PLAC1: variants seen among roughly 807,000 people sequenced by gnomAD.
PLAC1 encodes the protein placenta associated 1, also known as placenta-specific protein 1.
For synonymous variants in PLAC1, 68 were observed against 62.1 expected (o/e 1.09, Z -0.44); for missense variants, 136 against 163.2 (o/e 0.83, Z 0.91).
chrX:134,603,438 C>T (rs1322847173), intron 1 of PLAC1, among the ~76,000 whole-genome samples: 1 of 94,478 alleles, frequency 1.1e-5, no homozygotes, highest in Non-Finnish European at 2.1e-5. Context: ...CCCAGGTTCA[C>T]GCCATTCTCC....
intron 2 of PLAC1, among the ~76,000 whole-genome samples, chrX:134,671,590 G>GGA (rs567116941): frequency 0.011 from 1,176 of 104,732 alleles, 10 homozygotes; most frequent in African/African-American, 0.032. Flanking sequence ...TGGTAGAACA[G>GGA]GAGAGAGAGA....
At position 134,713,595 on chromosome X, in the gene PLAC1, G is replaced by T. The variant is rs774003299; in HGVS notation, n.174+19840C>A. On this transcript the variant is annotated intron_variant and non_coding_transcript_variant, in intron 2 of 2. Coordinates refer to the PLAC1 transcript ENST00000466797. The stretch of plus-strand genomic sequence containing the variant: ...AGTGACTTAATTTGGGCAGGAGTTC[G>T]CTGGGACATAATATGGCTACTGTGC... Among the ~76,000 whole-genome samples the T allele has an allele frequency of 3.6e-5, 4 of 112,012 alleles. No individual in the cohort carries two copies. In the East Asian group the frequency reaches 1.1e-3, roughly 31 times the overall value.
At chrX:134,600,563 T>C (rs1327566864) in intron 2 of PLAC1, among the ~76,000 whole-genome samples, 2 of 110,992 alleles carry the variant, frequency 1.8e-5, no homozygotes, top group Non-Finnish European at 3.8e-5. Context: ...TCTGAAGAGT[T>C]GACACTGAGT....
chrX:134,608,831 A>G (rs1410707330), intron 1 of PLAC1, among the ~76,000 whole-genome samples: 5 of 108,841 alleles, frequency 4.6e-5, no homozygotes, highest in African/African-American at 1.7e-4. Context: ...ACCCGCCACC[A>G]TGTCCGGCTA....
chrX:134,685,462 T>TG (rs2147818357), intron 2 of PLAC1, among the ~76,000 whole-genome samples: 1 of 95,972 alleles, frequency 1.0e-5, no homozygotes, highest in East Asian at 3.2e-4. Flanking sequence ...TTTTTTTTTT[T>TG]TTTTTTTTTT....
rs372988641 is a variant in PLAC1, at chrX:134,735,974, A to G, written n.90-2455T>C. ...GTCTACCTTAAAAAAAAAAAAAAAA[A>G]AAGAAGAAGAAGAAGTAAAGGGGCT... On this transcript the variant is annotated intron_variant and non_coding_transcript_variant, in intron 1 of 2. Coordinates refer to the PLAC1 transcript ENST00000466797. Among the ~76,000 whole-genome samples the G allele has an allele frequency of 5.9e-3, 646 of 109,242 alleles. 5 individuals carry two copies. The highest frequency in any genetic ancestry group is 0.016 in the South Asian group (41 of 2,491). The allele number at this position is 109,242 out of a possible 115,157, so 94.9% of individuals were successfully genotyped here. A position where few individuals can be genotyped will look rare whatever the true frequency, so the allele number is the denominator to read the frequency against.
chrX:134,666,660 C>T (rs897847755), intron 2 of PLAC1, among the ~76,000 whole-genome samples: 4 of 111,837 alleles, frequency 3.6e-5, no homozygotes, highest in African/African-American at 9.8e-5. Context: ...TCTGCAAATA[C>T]GTGTAACTTT....
chrX:134,602,972 T>A (rs1163915133), intron 1 of PLAC1, among the ~76,000 whole-genome samples: 1 of 107,419 alleles, frequency 9.3e-6, no homozygotes, highest in Non-Finnish European at 1.9e-5. Context: ...AAAAAGTGAA[T>A]TTTTAAAAAT....
At chrX:134,741,626 T>A (rs1010664647) in intron 1 of PLAC1, among the ~76,000 whole-genome samples, 1 of 108,071 alleles carries the variant, frequency 9.3e-6, no homozygotes, top group African/African-American at 3.4e-5. Context: ...GGCAATTTTG[T>A]AATGGGTGGG....
At chrX:134,710,185 C>T (rs1030153030) in intron 2 of PLAC1, among the ~76,000 whole-genome samples, 1 of 111,980 alleles carries the variant, frequency 8.9e-6, no homozygotes, top group African/African-American at 3.2e-5. Context: ...TACCAACAGA[C>T]AACTGGCAGA....
At chrX:134,654,036 A>C (rs186263318) in intron 1 of PLAC1, among the ~76,000 whole-genome samples, 2 of 111,651 alleles carry the variant, frequency 1.8e-5, no homozygotes, top group East Asian at 5.6e-4. Flanking sequence ...AGGTGCTGCC[A>C]GTTAGGGAGG....
intron 2 of PLAC1, among the ~76,000 whole-genome samples, chrX:134,673,328 G>C (rs973961126): frequency 1.0e-5 from 1 of 100,055 alleles, no homozygotes; most frequent in African/African-American, 3.7e-5. Context: ...AGGAGGGAAG[G>C]GGAAGGGAAG....
chrX:134,760,570 T>C (rs958848080), intron 1 of PLAC1, among the ~76,000 whole-genome samples: 1 of 109,706 alleles, frequency 9.1e-6, no homozygotes, highest in Admixed American at 9.8e-5. Context: ...CAAAATGAAA[T>C]AGAATAAAAA....
chrX:134,630,977 A>G (rs965133595), intron 1 of PLAC1, among the ~76,000 whole-genome samples: 10 of 111,721 alleles, frequency 9.0e-5, no homozygotes, highest in Non-Finnish European at 1.9e-4. Flanking sequence ...CACATACTGT[A>G]TGATTCCGTT....
At chrX:134,725,676 T>C (rs2078672212) in intron 2 of PLAC1, among the ~76,000 whole-genome samples, 2 of 112,266 alleles carry the variant, frequency 1.8e-5, no homozygotes, top group Admixed American at 9.4e-5. Context: ...ACCTTCAAGA[T>C]AAAGCACAGA....
At chrX:134,690,872 G>A (rs2078533782) in intron 2 of PLAC1, among the ~76,000 whole-genome samples, 1 of 96,257 alleles carries the variant, frequency 1.0e-5, no homozygotes, top group African/African-American at 3.8e-5. Flanking sequence ...AATCCGGGAG[G>A]CGGAGATTGC....
At chrX:134,726,415 T>C (rs1183431856) in intron 2 of PLAC1, among the ~76,000 whole-genome samples, 2 of 111,963 alleles carry the variant, frequency 1.8e-5, no homozygotes, top group Non-Finnish European at 3.8e-5. Flanking sequence ...TCCCTTATAA[T>C]CGGGACCTGT....
intron 2 of PLAC1, among the ~76,000 whole-genome samples, chrX:134,684,533 A>G: frequency 9.0e-6 from 1 of 111,172 alleles, no homozygotes; most frequent in Admixed American, 9.6e-5. Flanking sequence ...AAGACAGGTC[A>G]TCTGTCCTAG....
At chrX:134,605,817 T>C (rs1382059845) in intron 1 of PLAC1, 3 of 112,404 alleles carry the variant, frequency 2.7e-5, no homozygotes, top group Non-Finnish European at 5.6e-5. Context: ...GATGTGCCCT[T>C]GTCCTCAATG....
Sources: allele counts gnomAD v4.1 joint callset (sites outside exome capture counted in the v4.1 genomes callset), GRCh38; gene constraint gnomAD v4.1.1; transcripts MANE v1.5; gene names NCBI Gene and HGNC (gene_info 2026-07-23, HGNC 2026-07-21).